SLC30A10: variants seen among roughly 807,000 people sequenced by gnomAD.
The protein encoded by SLC30A10 is calcium/manganese antiporter SLC30A10.
SLC30A10 carries 8 observed loss-of-function variants against 21.7 expected under a neutral mutation model. The ratio of observed to expected loss-of-function variants is 0.37; its 90% CI spans 0.22 to 0.67. The LOEUF (loss-of-function observed/expected upper bound fraction) is 0.67, where lower values mean the gene tolerates loss of function less well. SLC30A10 is among the 30% of genes least tolerant of loss of function. The pLI is 0.58. For synonymous variants in SLC30A10, 272 were observed against 279.4 expected (o/e 0.97, Z 0.26); for missense variants, 521 against 642.5 (o/e 0.81, Z 2.04).
intron 1 of SLC30A10, among the ~76,000 whole-genome samples, chr1:219,958,317 ACACTTTTTCATTCCCTGTG>A: frequency 6.6e-6 from 1 of 152,250 alleles, no homozygotes; most frequent in African/African-American, 2.4e-5. Context: ...GTGCCTGAAG[ACACTTTTTCATTCCCTGTG>A]AGTAAAAATT....
intron 1 of SLC30A10, among the ~76,000 whole-genome samples, chr1:219,957,716 A>G (rs747184663): frequency 1.8e-4 from 27 of 152,182 alleles, no homozygotes; most frequent in Non-Finnish European, 3.2e-4. Flanking sequence ...GACTTCTTTT[A>G]TAAAAGCACT....
At chr1:219,947,075 C>A (rs1660196512) in intron 1 of SLC30A10, among the ~76,000 whole-genome samples, 1 of 152,270 alleles carries the variant, frequency 6.6e-6, no homozygotes, top group Admixed American at 6.5e-5. Flanking sequence ...CAGCCAGTTG[C>A]CCCTTCAACC....
intron 1 of SLC30A10, among the ~76,000 whole-genome samples, chr1:219,934,567 A>G (rs1660022223): frequency 6.6e-6 from 1 of 152,202 alleles, no homozygotes; most frequent in Admixed American, 6.5e-5. Context: ...ATGTAAAAAG[A>G]TGACATCAAT....
chr1:219,922,251 A>G (rs1363880506), intron 2 of SLC30A10, among the ~76,000 whole-genome samples: 2 of 106,006 alleles, frequency 1.9e-5, no homozygotes, highest in Non-Finnish European at 3.5e-5. Flanking sequence ...GGGGTTTGCT[A>G]TGTTACCCGG....
At chr1:219,955,414 C>G (rs894187459) in intron 1 of SLC30A10, among the ~76,000 whole-genome samples, 1 of 152,172 alleles carries the variant, frequency 6.6e-6, no homozygotes, top group Non-Finnish European at 1.5e-5. Context: ...TCTAAGACTT[C>G]CAAGTTTTCT....
chr1:219,945,604 G>T (rs1485637048), intron 1 of SLC30A10, among the ~76,000 whole-genome samples: 1 of 152,142 alleles, frequency 6.6e-6, no homozygotes, highest in Non-Finnish European at 1.5e-5. Context: ...GACAGAATAA[G>T]ATCAAATATT....
intron 1 of SLC30A10, among the ~76,000 whole-genome samples, chr1:219,941,910 G>A (rs1191733920): frequency 6.6e-6 from 1 of 152,226 alleles, no homozygotes; most frequent in Non-Finnish European, 1.5e-5. Flanking sequence ...TCGATCTCCT[G>A]TTGTGAAAGC....
intron 1 of SLC30A10, among the ~76,000 whole-genome samples, chr1:219,937,613 A>G (rs1039360423): frequency 6.6e-6 from 1 of 152,240 alleles, no homozygotes; most frequent in Non-Finnish European, 1.5e-5. Context: ...TGTGGAGTTC[A>G]AGACCAGCCT....
At chr1:219,953,243 G>A (rs543862785) in intron 1 of SLC30A10, among the ~76,000 whole-genome samples, 54 of 152,244 alleles carry the variant, frequency 3.5e-4, no homozygotes, top group African/African-American at 9.6e-4. Context: ...TTCTGCCTCC[G>A]ATCTAGAAAG....
At chr1:219,924,646 G>A (rs190388986) in intron 2 of SLC30A10, among the ~76,000 whole-genome samples, 56 of 152,280 alleles carry the variant, frequency 3.7e-4, no homozygotes, top group Non-Finnish European at 6.6e-4. Context: ...ACTATGGATT[G>A]AGCCCAGCAA....
chr1:219,919,679 G>A (rs553159553), intron 2 of SLC30A10, among the ~76,000 whole-genome samples: 2 of 152,040 alleles, frequency 1.3e-5, no homozygotes, highest in South Asian at 2.1e-4. Flanking sequence ...AGAAGGCTGA[G>A]GCAGGAGAAT....
chr1:219,915,331 A>G lies in SLC30A10; in HGVS notation c.*118T>C. ...CCCAAACAGCCAACCCCTAGTGAAC[A>G]CAGAGCATGCATGCTGCAAGTCTAG... is the stretch of plus-strand genomic sequence containing the variant. On this transcript the variant is annotated 3_prime_UTR_variant, in exon 4 of 4. Coordinates refer to ENST00000366926, the MANE Select transcript of SLC30A10 (RefSeq NM_018713.3). The G allele has an allele frequency of 7.7e-7, 1 of 1,301,358 alleles. No individual in the cohort carries two copies. Among genetic ancestry groups the G allele is most frequent in the Non-Finnish European group, 1.1e-6 (1 of 937,548 alleles). The allele number at this position is 1,301,358 out of a possible 1,614,324, so 80.6% of individuals were successfully genotyped here.
intron 1 of SLC30A10, among the ~76,000 whole-genome samples, chr1:219,937,862 C>A (rs1660067961): frequency 6.6e-6 from 1 of 152,170 alleles, no homozygotes; most frequent in Admixed American, 6.6e-5. Context: ...TCTTCTAGCT[C>A]ACTGATGGTT....
At chr1:219,943,593 G>C (rs1407617192) in intron 1 of SLC30A10, among the ~76,000 whole-genome samples, 1 of 152,146 alleles carries the variant, frequency 6.6e-6, no homozygotes, top group Non-Finnish European at 1.5e-5. Flanking sequence ...ATTTTAACCT[G>C]AGTGTAAAAA....
At position 219,928,473 on chromosome 1, in the gene SLC30A10, C is replaced by T; in HGVS notation, c.-33G>A. 9.9e-6 allele frequency: 15 copies of T among 1,518,316 alleles called. No individual in the cohort carries two copies. Among genetic ancestry groups the T allele is most frequent in the Non-Finnish European group, 1.3e-5 (15 of 1,134,634 alleles). The allele number at this position is 1,518,316 out of a possible 1,614,324, so 94.1% of individuals were successfully genotyped here. On this transcript the variant is annotated 5_prime_UTR_variant, in exon 1 of 4. Transcript: ENST00000366926. This position sits in a 1 kb window ranked among gnomAD's most constrained non-coding sequence, Gnocchi z 6.3. ...CCAGCCCCGGGCGCCCGGCGCCGCC[C>T]AGGGGAGCGCAGCCCACCCCGCGCG...
At chr1:219,956,794 A>T (rs890119935) in intron 1 of SLC30A10, among the ~76,000 whole-genome samples, 1 of 152,210 alleles carries the variant, frequency 6.6e-6, no homozygotes, top group Non-Finnish European at 1.5e-5. Flanking sequence ...CAAAAGCTTA[A>T]CTAAGACCTA....
At chr1:219,942,852 C>G (rs1382420239) in intron 1 of SLC30A10, among the ~76,000 whole-genome samples, 1 of 152,120 alleles carries the variant, frequency 6.6e-6, no homozygotes, top group Non-Finnish European at 1.5e-5. Context: ...TGAGATCAGT[C>G]TGGCCAACAT....
chr1:219,948,626 G>C (rs1660223356), intron 1 of SLC30A10, among the ~76,000 whole-genome samples: 1 of 152,076 alleles, frequency 6.6e-6, no homozygotes. Flanking sequence ...ATGGATTAAA[G>C]ACTTAAACGT....
At chr1:219,946,625 G>T (rs1660189249) in intron 1 of SLC30A10, among the ~76,000 whole-genome samples, 2 of 152,094 alleles carry the variant, frequency 1.3e-5, no homozygotes, top group Non-Finnish European at 2.9e-5. Flanking sequence ...TGAAGAAATG[G>T]ATTAAGCCTG....
Sources: allele counts gnomAD v4.1 joint callset (sites outside exome capture counted in the v4.1 genomes callset), GRCh38; gene constraint gnomAD v4.1.1; non-coding constraint Gnocchi (gnomAD v3.1); transcripts MANE v1.5; gene names NCBI Gene and HGNC (gene_info 2026-07-23, HGNC 2026-07-21).